SAMD8: variants seen among roughly 807,000 people sequenced by gnomAD.
The protein encoded by SAMD8 is sphingomyelin synthase-related protein 1.
Under a neutral mutation model 42.0 loss-of-function variants are expected in SAMD8, and 20 were observed. The observed-to-expected ratio is 0.48, with a 90% CI of 0.34 to 0.69. The LOEUF is 0.69. Among genes scored for constraint, SAMD8 ranks in the 30% least tolerant of loss-of-function variants. The pLI is 0.01. For synonymous variants in SAMD8, 162 were observed against 173.0 expected (o/e 0.94, Z 0.50); for missense variants, 328 against 511.6 (o/e 0.64, Z 3.46).
In SAMD8 at chr10:75,142,744, T is replaced by C. The variant is rs575025916; in HGVS notation, c.-15-7770T>C. 2.0e-5 allele frequency among the ~76,000 whole-genome samples: 3 copies of C among 152,204 alleles called. No individual in the cohort carries two copies. The South Asian group carries it at 6.2e-4, about 32-fold the overall frequency. On this transcript the variant is annotated intron_variant, in intron 1 of 5. Coordinates refer to ENST00000542569, the MANE Select transcript of SAMD8 (RefSeq NM_001174156.2). ...GCCACCACCCGGCCTAAATTATCTT[T>C]TAAAGAAACTTAAGGCCGGGTGCAG... is the stretch of plus-strand genomic sequence containing the variant.
At chr10:75,109,032 C>G, upstream of SAMD8, 1 of 1,610,422 alleles carries the variant, frequency 6.2e-7, no homozygotes, top group Non-Finnish European at 8.5e-7. Context: ...AAAGGTTGGG[C>G]CAAACTTCGT....
At chr10:75,163,713 A>C (rs1164526871) in intron 2 of SAMD8, among the ~76,000 whole-genome samples, 1 of 151,690 alleles carries the variant, frequency 6.6e-6, no homozygotes. Context: ...CTCCCAAAGC[A>C]CTGGGATTAC....
intron 1 of SAMD8, among the ~76,000 whole-genome samples, chr10:75,141,207 G>A (rs1351014783): frequency 6.6e-6 from 1 of 152,026 alleles, no homozygotes; most frequent in East Asian, 1.9e-4. Context: ...AGCCAAGTGT[G>A]CCAAGTGTGG....
intron 2 of SAMD8, among the ~76,000 whole-genome samples, chr10:75,156,358 A>G (rs1290747463): frequency 6.6e-6 from 1 of 152,256 alleles, no homozygotes; most frequent in African/African-American, 2.4e-5. Context: ...TGTGGGCAGC[A>G]TGATTATTCT....
chr10:75,146,865 A>G (rs1320872596), intron 1 of SAMD8, among the ~76,000 whole-genome samples: 2 of 152,160 alleles, frequency 1.3e-5, no homozygotes, highest in Non-Finnish European at 2.9e-5. Flanking sequence ...TCATCTTTTA[A>G]TATACCTCTT....
At chr10:75,138,381 A>T (rs537982338) in intron 1 of SAMD8, among the ~76,000 whole-genome samples, 1 of 152,336 alleles carries the variant, frequency 6.6e-6, no homozygotes, top group South Asian at 2.1e-4. Flanking sequence ...GGGTGGGGAC[A>T]AAGTCATTAT....
intron 1 of SAMD8, among the ~76,000 whole-genome samples, chr10:75,119,831 C>T (rs945217715): frequency 2.0e-5 from 3 of 152,172 alleles, no homozygotes; most frequent in Non-Finnish European, 2.9e-5. Flanking sequence ...CTTGGGAGGC[C>T]GAGGCAGGCG....
chr10:75,113,408 A>T, intron 1 of SAMD8, among the ~76,000 whole-genome samples: 1 of 148,820 alleles, frequency 6.7e-6, no homozygotes, highest in Non-Finnish European at 1.5e-5. Context: ...TTTTTGAGAC[A>T]GAGATTCGCT....
rs530043259 is a variant in SAMD8 at position 75,159,063 on chromosome 10, C to CTTTTTT, written c.579-5574_579-5569dup. On this transcript the variant is annotated intron_variant, in intron 2 of 5. Coordinates refer to ENST00000542569, the MANE Select transcript of SAMD8 (RefSeq NM_001174156.2). The stretch of plus-strand genomic sequence containing the variant: ...TGTAGACAAATTTTTTTTTCTTTTT[C>CTTTTTT]TTTTTTTTTTTTTGAGACAGAGTCT... Among the ~76,000 whole-genome samples, 876 of 133,420 alleles carry CTTTTTT rather than the reference C, an allele frequency of 6.6e-3. 33 individuals carry two copies. The highest frequency in any genetic ancestry group is 0.022 in the African/African-American group (749 of 34,420). The allele number at this position is 133,420 out of a possible 152,430, so 87.5% of individuals were successfully genotyped here. A position where few individuals can be genotyped will look rare whatever the true frequency, so the allele number is the denominator to read the frequency against.
chr10:75,165,531 A>G (rs934632465), intron 3 of SAMD8, among the ~76,000 whole-genome samples: 8 of 151,572 alleles, frequency 5.3e-5, no homozygotes, highest in African/African-American at 1.2e-4. Flanking sequence ...TTAGCTGGGC[A>G]TGGTGGCGGG....
chr10:75,150,279 A>ATT (rs34826271), intron 1 of SAMD8: 53 of 134,152 alleles, frequency 4.0e-4, no homozygotes, highest in Non-Finnish European at 6.6e-4. Context: ...CCAGGCTAAA[A>ATT]TTTTTTTTTT....
intron 2 of SAMD8, among the ~76,000 whole-genome samples, chr10:75,157,082 T>C (rs1840428422): frequency 6.6e-6 from 1 of 152,072 alleles, no homozygotes; most frequent in South Asian, 2.1e-4. Flanking sequence ...TGTGTAGGTA[T>C]GTATAGAAAG....
rs2132226244 is a variant in SAMD8 at position 75,178,982 on chromosome 10, TCACTC to T, written c.*2295_*2299del. The T allele has an allele frequency of 6.6e-6, 1 of 152,436 alleles. No homozygotes were observed. Among genetic ancestry groups the T allele is most frequent in the East Asian group, 1.9e-4 (1 of 5,184 alleles). 9.4% of individuals were successfully genotyped at this position (152,436 alleles called of 1,614,324 possible). ...AGGTGGAGTTTGCATTGAGCTGAGA[TCACTC>T]CACTGCACTCCAGCCTAGGTGACAG... On this transcript the variant is annotated 3_prime_UTR_variant, in exon 6 of 6. Transcript: ENST00000542569.
upstream of SAMD8, chr10:75,109,030 G>A: frequency 6.2e-7 from 1 of 1,610,184 alleles, no homozygotes; most frequent in Non-Finnish European, 8.5e-7. Context: ...GAAAAGGTTG[G>A]GCCAAACTTC....
At chr10:75,148,408 C>T (rs986170375) in intron 1 of SAMD8, among the ~76,000 whole-genome samples, 1 of 133,294 alleles carries the variant, frequency 7.5e-6, no homozygotes, top group Non-Finnish European at 1.5e-5. Flanking sequence ...GGCTGGTGTG[C>T]AATGGCACAA....
Position 75,181,989 on chromosome 10 carries a change from T to C in SAMD8, c.*5297T>C, listed in dbSNP as rs1055489140. 6.6e-6 allele frequency: 1 copy of C among 152,216 alleles called. No homozygotes were observed. The highest frequency in any genetic ancestry group is 2.4e-5 in the African/African-American group (1 of 41,464). The allele number at this position is 152,216 out of a possible 1,614,324, so 9.4% of individuals were successfully genotyped here. A position where few individuals can be genotyped will look rare whatever the true frequency, so the allele number is the denominator to read the frequency against. On this transcript the variant is annotated 3_prime_UTR_variant, in exon 6 of 6. Transcript: ENST00000542569. ...GAAAGTTCCTGTGGTAGCCATACCT[T>C]GAAGCACAGTGTTTGTACATAAGTA... is the stretch of plus-strand genomic sequence containing the variant.
intron 2 of SAMD8, among the ~76,000 whole-genome samples, chr10:75,159,029 A>G (rs1564691429): frequency 6.6e-6 from 1 of 151,200 alleles, no homozygotes; most frequent in East Asian, 1.9e-4. Flanking sequence ...ATTCATATGC[A>G]AAGTTTTGTG....
At chr10:75,128,378 T>A (rs988167313) in intron 1 of SAMD8, among the ~76,000 whole-genome samples, 1 of 151,998 alleles carries the variant, frequency 6.6e-6, no homozygotes, top group Admixed American at 6.6e-5. Flanking sequence ...CGCCCTTCTG[T>A]TTTTTTAAAT....
chr10:75,170,875 G>A (rs1201481826), intron 4 of SAMD8, among the ~76,000 whole-genome samples: 2 of 146,830 alleles, frequency 1.4e-5, no homozygotes, highest in African/African-American at 5.0e-5. Context: ...CCAAGTTCAA[G>A]CCATTCTCCT....
Sources: gnomAD v4.1 joint callset for allele counts (sites outside exome capture counted in the v4.1 genomes callset) on GRCh38, gnomAD v4.1.1 for gene constraint, MANE v1.5 for transcripts, NCBI Gene and HGNC (gene_info 2026-07-23, HGNC 2026-07-21) for gene names.